The following C8orf34 variants were observed in gnomAD, a reference collection of about 807,000 sequenced individuals.
The protein encoded by C8orf34 is uncharacterized protein C8orf34.
In C8orf34, 65 loss-of-function variants were observed where a neutral mutation model predicts 68.3. The ratio of observed to expected loss-of-function variants is 0.95; its 90% CI spans 0.78 to 1.17. The LOEUF is 1.17. C8orf34 is among the 50% of genes most tolerant of loss of function. The pLI is 0.00. For missense variants in C8orf34, 664 were observed against 655.4 expected, an observed-to-expected ratio of 1.01 and a Z score of -0.14; for synonymous variants, 244 against 241.2, an observed-to-expected ratio of 1.01 and a Z score of -0.11.
intron 1 of C8orf34, among the ~76,000 whole-genome samples, chr8:68,408,768 G>A (rs1352491945): frequency 6.6e-6 from 1 of 152,062 alleles, no homozygotes; most frequent in Non-Finnish European, 1.5e-5. Flanking sequence ...CTACTGAGCT[G>A]CCAGTCTTTT....
chr8:68,542,866 A>G (rs567144754), intron 7 of C8orf34, among the ~76,000 whole-genome samples: 1 of 152,182 alleles, frequency 6.6e-6, no homozygotes, highest in African/African-American at 2.4e-5. Flanking sequence ...GCCAAGTAGC[A>G]AACCTGATTG....
intron 8 of C8orf34, among the ~76,000 whole-genome samples, chr8:68,699,201 C>T (rs1472933769): frequency 6.6e-6 from 1 of 151,722 alleles, no homozygotes; most frequent in African/African-American, 2.4e-5. Flanking sequence ...CCACGGAGGC[C>T]TTAACTGCTT....
chr8:68,388,605 T>C (rs547147374), intron 1 of C8orf34, among the ~76,000 whole-genome samples: 3 of 152,230 alleles, frequency 2.0e-5, no homozygotes, highest in Non-Finnish European at 4.4e-5. Flanking sequence ...TATGGCATCA[T>C]GATACTCATC....
intron 7 of C8orf34, among the ~76,000 whole-genome samples, chr8:68,587,220 A>G (rs528138015): frequency 1.7e-4 from 26 of 152,198 alleles, no homozygotes; most frequent in Middle Eastern, 6.8e-3. Flanking sequence ...TTCTTTTTTG[A>G]GGATGAAATG....
intron 1 of C8orf34, among the ~76,000 whole-genome samples, chr8:68,357,263 A>G (rs1182144539): frequency 6.6e-6 from 1 of 152,154 alleles, no homozygotes; most frequent in Non-Finnish European, 1.5e-5. Context: ...TCTTAGTTGT[A>G]TAGTAATGAT....
rs1001756535 is a variant in C8orf34 at position 68,650,598 on chromosome 8, G to C, written c.1241+10087G>C. Among the ~76,000 whole-genome samples the C allele has an allele frequency of 2.0e-5, 3 of 150,142 alleles. No homozygotes were observed. In the East Asian group the frequency reaches 6.0e-4, roughly 30 times the overall value. ...GGGTTCACGCCATTCTCCTGCCTCA[G>C]CCTCCCAAGTAGCTGGGACTACAGG... On this transcript the variant is annotated intron_variant, in intron 8 of 13. Coordinates refer to ENST00000518698, the MANE Select transcript of C8orf34 (RefSeq NM_052958.4).
chr8:68,713,317 G>C (rs552266604), intron 9 of C8orf34, among the ~76,000 whole-genome samples: 1 of 151,756 alleles, frequency 6.6e-6, no homozygotes, highest in Non-Finnish European at 1.5e-5. Flanking sequence ...AAGAGATAAC[G>C]AAGATCAGAG....
rs188759075 is a variant in C8orf34, at chr8:68,445,939, G to A, written c.476-390G>A. On this transcript the variant is annotated intron_variant, in intron 2 of 13. Transcript: ENST00000518698. ...TGAGTAGCTGTAATTACAGACGCCCGCCATCATGCCCGGCTAATTTTTGTG... is the reference window on the plus strand; with the variant it reads ...TGAGTAGCTGTAATTACAGACGCCCACCATCATGCCCGGCTAATTTTTGTG... Among the ~76,000 whole-genome samples, 114 of 152,062 alleles carry A rather than the reference G, an allele frequency of 7.5e-4. 1 individual carries two copies. The highest frequency in any genetic ancestry group is 7.5e-3 in the Admixed American group (114 of 15,268).
chr8:68,452,692 A>AT lies in C8orf34; in HGVS notation c.607+6238dup, dbSNP rs377025997. ...CTTATCAGAGATATGATTTATGAAT[A>AT]TTTTTTCCACTTGGGGGGATTATGT... On this transcript the variant is annotated intron_variant, in intron 3 of 13. Transcript: ENST00000518698. 2.2e-3 allele frequency among the ~76,000 whole-genome samples: 318 copies of AT among 147,236 alleles called. 1 individual carries two copies. Among genetic ancestry groups the AT allele is most frequent in the African/African-American group, 7.1e-3 (284 of 39,880 alleles).
intron 6 of C8orf34, chr8:68,530,538 C>A: frequency 1.2e-6 from 1 of 839,378 alleles, no homozygotes; most frequent in Non-Finnish European, 1.6e-6. Context: ...TTGTTTACTT[C>A]TCAATGAATA....
intron 7 of C8orf34, among the ~76,000 whole-genome samples, chr8:68,555,474 C>T (rs570531955): frequency 1.3e-5 from 2 of 152,222 alleles, no homozygotes; most frequent in Admixed American, 1.3e-4. Context: ...ACATGTCTTG[C>T]AGCTTTAGGC....
intron 12 of C8orf34, among the ~76,000 whole-genome samples, chr8:68,797,425 CA>C (rs1824209908): frequency 6.6e-6 from 1 of 152,070 alleles, no homozygotes; most frequent in South Asian, 2.1e-4. Context: ...CTTCCCCTCT[CA>C]TTACTAGGAG....
chr8:68,698,735 C>T (rs114096824), intron 8 of C8orf34, among the ~76,000 whole-genome samples: 1 of 152,152 alleles, frequency 6.6e-6, no homozygotes, highest in Admixed American at 6.5e-5. Context: ...TGTCTGCTGA[C>T]CAAGCAATTC....
At chr8:68,814,313 C>T (rs540273164) in intron 12 of C8orf34, among the ~76,000 whole-genome samples, 2 of 152,298 alleles carry the variant, frequency 1.3e-5, no homozygotes, top group African/African-American at 4.8e-5. Context: ...AGCCCTCTGG[C>T]TGATTCTTAT....
rs549722886 is a variant in C8orf34 at position 68,618,895 on chromosome 8, A to G, written c.1106-21481A>G. Reference sequence around the variant, plus strand: ...CATTTAAAATGAAATATTTTAATATATAGTTAAAGATATAATATCTAATTA... The same window carrying G: ...CATTTAAAATGAAATATTTTAATATGTAGTTAAAGATATAATATCTAATTA... On this transcript the variant is annotated intron_variant, in intron 7 of 13. Transcript: ENST00000518698. Among the ~76,000 whole-genome samples the G allele has an allele frequency of 8.1e-4, 123 of 152,318 alleles. 1 individual carries two copies. Among genetic ancestry groups the G allele is most frequent in the Non-Finnish European group, 1.6e-3 (106 of 68,030 alleles).
chr8:68,485,681 C>T (rs1012089544), intron 4 of C8orf34, among the ~76,000 whole-genome samples: 3 of 150,074 alleles, frequency 2.0e-5, no homozygotes, highest in Non-Finnish European at 4.4e-5. Context: ...CATTGTACTC[C>T]AGCCTAGGAG....
chr8:68,751,837 A>C (rs1822717167), intron 10 of C8orf34, among the ~76,000 whole-genome samples: 1 of 151,016 alleles, frequency 6.6e-6, no homozygotes, highest in African/African-American at 2.4e-5. Flanking sequence ...ATTAATAGTA[A>C]AATTTATATT....
intron 10 of C8orf34, among the ~76,000 whole-genome samples, chr8:68,756,532 G>A (rs1822864737): frequency 6.6e-6 from 1 of 151,896 alleles, no homozygotes; most frequent in Non-Finnish European, 1.5e-5. Flanking sequence ...AATTATAAAT[G>A]GAAACTTTAA....
intron 4 of C8orf34, among the ~76,000 whole-genome samples, chr8:68,484,089 C>G (rs1452130060): frequency 6.6e-6 from 1 of 152,152 alleles, no homozygotes; most frequent in Non-Finnish European, 1.5e-5. Flanking sequence ...TTTGGGGAGG[C>G]CTCTGGAGGC....
Sources: gnomAD v4.1 joint callset for allele counts (sites outside exome capture counted in the v4.1 genomes callset) on GRCh38, gnomAD v4.1.1 for gene constraint, MANE v1.5 for transcripts, NCBI Gene and HGNC (gene_info 2026-07-23, HGNC 2026-07-21) for gene names.